CYREN: variants seen among roughly 807,000 people sequenced by gnomAD.
CYREN encodes cell cycle regulator of non-homologous end joining.
Under a neutral mutation model 9.7 loss-of-function variants are expected in CYREN, and 7 were observed. The observed-to-expected ratio is 0.72, with a 90% CI of 0.41 to 1.36. The LOEUF (loss-of-function observed/expected upper bound fraction) is 1.36, where lower values mean the gene tolerates loss of function less well. Ranked by LOEUF, CYREN falls within the 40% of genes most tolerant of loss-of-function variation. The pLI is 0.01. For missense variants in CYREN, 215 were observed against 198.1 expected (o/e 1.09, Z -0.51); for synonymous variants, 76 against 77.9 (o/e 0.98, Z 0.13).
intron 2 of CYREN, among the ~76,000 whole-genome samples, chr7:135,106,011 T>C (rs575476827): frequency 6.6e-6 from 1 of 152,274 alleles, no homozygotes; most frequent in African/African-American, 2.4e-5. Flanking sequence ...ATGAATGGGA[T>C]TGTGTTCCTG....
In CYREN at chr7:135,168,831, G is replaced by A. The variant is rs1360739493; in HGVS notation, c.92C>T (p.Ala31Val). Reference sequence around the variant, plus strand: ...TGCTGCCATTCTCATCCTCTTGGGGGCCTTCATTGGTGCCACATTCTTTGT... The same window carrying A: ...TGCTGCCATTCTCATCCTCTTGGGGACCTTCATTGGTGCCACATTCTTTGT... The part of the protein sequence containing the change: ...VATKNVAPMK[A>V]PKRMRMAAVP... The change falls in exon 2 of 4, where the codon GCC becomes GTC. Residue 31 changes from alanine (A) to valine (V), a missense_variant. Transcript: ENST00000393114. 1.2e-6 allele frequency: 2 copies of A among 1,613,940 alleles called. No homozygotes were observed. The highest frequency in any genetic ancestry group is 1.7e-6 in the Non-Finnish European group (2 of 1,179,966).
intron 2 of CYREN, among the ~76,000 whole-genome samples, chr7:135,102,204 A>C (rs1034843296): frequency 6.6e-6 from 1 of 152,174 alleles, no homozygotes; most frequent in Non-Finnish European, 1.5e-5. Flanking sequence ...CACCGCTCCA[A>C]ATCTGTGATT....
chr7:135,171,694 C>G (rs1449042566), upstream of CYREN, among the ~76,000 whole-genome samples: 1 of 152,236 alleles, frequency 6.6e-6, no homozygotes, highest in Non-Finnish European at 1.5e-5. Flanking sequence ...GCCCTTTCTT[C>G]TACAGCTCCG....
intron 2 of CYREN, chr7:135,128,736 G>A: frequency 7.2e-7 from 1 of 1,381,466 alleles, no homozygotes; most frequent in East Asian, 2.3e-5. Flanking sequence ...TGCAGAGAAG[G>A]ACAGCTCAAG....
intron 2 of CYREN, among the ~76,000 whole-genome samples, chr7:135,114,661 T>C (rs1024476292): frequency 8.5e-5 from 13 of 152,072 alleles, no homozygotes; most frequent in African/African-American, 3.1e-4. Flanking sequence ...TTCTCACCCT[T>C]CTAGCCATTT....
chr7:135,165,466 T>C (rs1830072742), downstream of CYREN: 1 of 171,978 alleles, frequency 5.8e-6, no homozygotes, highest in Non-Finnish European at 1.4e-5. Context: ...TTAAGGAGCT[T>C]CCACTCAGCC....
Position 135,169,029 on chromosome 7 carries a change from A to C in CYREN, c.-107T>G. The C allele has an allele frequency of 9.1e-7, 1 of 1,097,844 alleles. No individual in the cohort carries two copies. Among genetic ancestry groups the C allele is most frequent in the Non-Finnish European group, 1.3e-6 (1 of 781,480 alleles). The allele number at this position is 1,097,844 out of a possible 1,614,324, so 68.0% of individuals were successfully genotyped here. ...TCGTCACACCCGGAATTACAGGTCCATTTGTCCTCAGTGGGAGTTGATCTT... is the reference window on the plus strand; with the variant it reads ...TCGTCACACCCGGAATTACAGGTCCCTTTGTCCTCAGTGGGAGTTGATCTT... On this transcript the variant is annotated 5_prime_UTR_variant, in exon 2 of 4. The change abolishes an upstream ATG in the 5' untranslated region. Coordinates refer to ENST00000393114, the MANE Select transcript of CYREN (RefSeq NM_024033.4).
At chr7:135,144,935 GAGTAA>G (rs1829516594) in intron 2 of CYREN, among the ~76,000 whole-genome samples, 1 of 3,734 alleles carries the variant, frequency 2.7e-4, no homozygotes, top group Non-Finnish European at 4.3e-4. Context: ...TGTCTCAAAA[GAGTAA>G]AAAAAAAAAA....
intron 2 of CYREN, among the ~76,000 whole-genome samples, chr7:135,114,757 C>G (rs1412528556): frequency 6.6e-6 from 1 of 152,138 alleles, no homozygotes; most frequent in African/African-American, 2.4e-5. Context: ...TCACTCTTGC[C>G]TCTCTTCAAT....
intron 2 of CYREN, among the ~76,000 whole-genome samples, chr7:135,130,840 A>G (rs969931477): frequency 6.6e-6 from 1 of 152,180 alleles, no homozygotes; most frequent in African/African-American, 2.4e-5. Context: ...TTTTGAATTG[A>G]TAACTGTTCC....
intron 2 of CYREN, among the ~76,000 whole-genome samples, chr7:135,098,447 C>A (rs1483695678): frequency 2.0e-5 from 3 of 152,152 alleles, no homozygotes; most frequent in Non-Finnish European, 4.4e-5. Flanking sequence ...AAAGTCTGCA[C>A]GTGTTTGGTA....
chr7:135,129,450 G>A (rs1828422586), intron 2 of CYREN: 1 of 779,244 alleles, frequency 1.3e-6, no homozygotes, highest in Non-Finnish European at 2.4e-6. Flanking sequence ...GGAAAGTAAG[G>A]AGTGGCTAGA....
chr7:135,155,750 C>T (rs573407153), intron 2 of CYREN, among the ~76,000 whole-genome samples: 1 of 152,302 alleles, frequency 6.6e-6, no homozygotes, highest in East Asian at 1.9e-4. Flanking sequence ...ACTCAAAAGG[C>T]TGAGGCAGGA....
chr7:135,097,526 G>T (rs904893672), intron 2 of CYREN, among the ~76,000 whole-genome samples: 33 of 152,126 alleles, frequency 2.2e-4, no homozygotes, highest in African/African-American at 7.7e-4. Flanking sequence ...TGTAAATTTT[G>T]GCATGTTTCA....
At chr7:135,093,127 A>G (rs1046117576) in exon 3 of CYREN, 5 of 151,976 alleles carry the variant, frequency 3.3e-5, no homozygotes, top group African/African-American at 1.2e-4. Flanking sequence ...GACCTGGAAC[A>G]AGACAGGGAT....
At chr7:135,096,584 C>CATAG (rs71172496) in intron 2 of CYREN, among the ~76,000 whole-genome samples, 8,385 of 88,536 alleles carry the variant, frequency 0.095, 503 homozygotes, top group Middle Eastern at 0.11. Flanking sequence ...TAGATAGATA[C>CATAG]ATAGATAGAT....
At chr7:135,096,151 CA>C (rs201040922) in intron 2 of CYREN, among the ~76,000 whole-genome samples, 31 of 147,874 alleles carry the variant, frequency 2.1e-4, no homozygotes, top group Non-Finnish European at 4.0e-4. Flanking sequence ...GACTCTCTCT[CA>C]AAAAAAAAAA....
chr7:135,137,592 GA>G (rs1310420313), intron 2 of CYREN, among the ~76,000 whole-genome samples: 1 of 151,712 alleles, frequency 6.6e-6, no homozygotes, highest in African/African-American at 2.4e-5. Context: ...AAAAAATCTT[GA>G]AAAAAACACC....
chr7:135,165,108 C>A, downstream of CYREN: 1 of 1,372,872 alleles, frequency 7.3e-7, no homozygotes, highest in Admixed American at 2.7e-5. Flanking sequence ...AGCGATGGAA[C>A]CCACTACAGA....
Sources: allele counts gnomAD v4.1 joint callset (sites outside exome capture counted in the v4.1 genomes callset), GRCh38; gene constraint gnomAD v4.1.1; transcripts MANE v1.5; gene names NCBI Gene and HGNC (gene_info 2026-07-23, HGNC 2026-07-21).